The following CCDC192 variants were observed in gnomAD, a reference collection of about 807,000 sequenced individuals.
CCDC192 encodes coiled-coil domain containing 192, also known as coiled-coil domain-containing protein 192.
intron 5 of CCDC192, among the ~76,000 whole-genome samples, chr5:127,822,732 G>A (rs1038856385): frequency 2.6e-5 from 4 of 152,138 alleles, no homozygotes; most frequent in Admixed American, 1.3e-4. Context: ...CATTCCTTTA[G>A]GGGTCCTAGG....
At chr5:127,743,295 C>A (rs1753529057) in intron 2 of CCDC192, among the ~76,000 whole-genome samples, 1 of 152,114 alleles carries the variant, frequency 6.6e-6, no homozygotes, top group Non-Finnish European at 1.5e-5. Flanking sequence ...CAAAGGGCAC[C>A]CGTACTTCCA....
At chr5:127,899,964 C>T (rs1019127423) in intron 6 of CCDC192, among the ~76,000 whole-genome samples, 6 of 152,184 alleles carry the variant, frequency 3.9e-5, no homozygotes, top group African/African-American at 1.4e-4. Context: ...AAGAAAACTG[C>T]CAAGCTGATT....
At chr5:127,711,747 A>C (rs1243612169) in intron 2 of CCDC192, among the ~76,000 whole-genome samples, 1 of 152,188 alleles carries the variant, frequency 6.6e-6, no homozygotes, top group Non-Finnish European at 1.5e-5. Flanking sequence ...AGATGAGAAC[A>C]ATATAAAATT....
chr5:127,718,207 G>C (rs1030284624), intron 2 of CCDC192, among the ~76,000 whole-genome samples: 1 of 152,092 alleles, frequency 6.6e-6, no homozygotes, highest in Non-Finnish European at 1.5e-5. Flanking sequence ...GAAAAAAAAG[G>C]TCCTGTCTTC....
intron 2 of CCDC192, among the ~76,000 whole-genome samples, chr5:127,729,377 C>A (rs970558317): frequency 6.6e-6 from 1 of 152,144 alleles, no homozygotes; most frequent in Non-Finnish European, 1.5e-5. Flanking sequence ...TTCATAGATA[C>A]CTTCAAAGAG....
At chr5:127,853,475 A>C (rs1750898364) in intron 5 of CCDC192, among the ~76,000 whole-genome samples, 1 of 152,124 alleles carries the variant, frequency 6.6e-6, no homozygotes, top group African/African-American at 2.4e-5. Context: ...CATTCAAAGC[A>C]TCAAAAGCAC....
At chr5:127,917,955 T>C in intron 6 of CCDC192, among the ~76,000 whole-genome samples, 1 of 152,044 alleles carries the variant, frequency 6.6e-6, no homozygotes, top group South Asian at 2.1e-4. Flanking sequence ...ACCTGGGCAA[T>C]ATAGTGAGAC....
At chr5:127,905,264 T>G (rs1002878919) in intron 6 of CCDC192, among the ~76,000 whole-genome samples, 3 of 152,198 alleles carry the variant, frequency 2.0e-5, no homozygotes, top group African/African-American at 7.2e-5. Context: ...GAAAACTAAT[T>G]TCTAATTCAG....
intron 5 of CCDC192, among the ~76,000 whole-genome samples, chr5:127,808,120 G>C (rs1299949385): frequency 6.6e-6 from 1 of 152,108 alleles, no homozygotes; most frequent in African/African-American, 2.4e-5. Context: ...TTATTCCATG[G>C]ATGCATTTTT....
chr5:127,927,585 A>G (rs1210192255), intron 6 of CCDC192, among the ~76,000 whole-genome samples: 1 of 152,226 alleles, frequency 6.6e-6, no homozygotes, highest in East Asian at 1.9e-4. Flanking sequence ...TTCCTATTTA[A>G]AATGGTAGCA....
chr5:127,922,308 CA>C (rs1224353930), intron 6 of CCDC192, among the ~76,000 whole-genome samples: 2 of 152,188 alleles, frequency 1.3e-5, no homozygotes, highest in Non-Finnish European at 2.9e-5. Flanking sequence ...AAAATGACTA[CA>C]AAATGAGACT....
In CCDC192 at chr5:127,843,886, A is replaced by G. The variant is rs144155122; in HGVS notation, c.412-31652A>G. Among the ~76,000 whole-genome samples the G allele has an allele frequency of 5.3e-5, 8 of 152,356 alleles. No individual in the cohort carries two copies. The East Asian group carries it at 1.5e-3, about 29-fold the overall frequency. ...AACATTCTATGTGATGTAAGAAGGG[A>G]AAAAAGTAGCTTAAACAAATGTAAA... On this transcript the variant is annotated intron_variant, in intron 5 of 6. Transcript: ENST00000514853.
chr5:127,751,881 A>G (rs1754197556), intron 2 of CCDC192, among the ~76,000 whole-genome samples: 1 of 151,920 alleles, frequency 6.6e-6, no homozygotes, highest in African/African-American at 2.4e-5. Context: ...TCCATTGCTG[A>G]TACCCTTTCT....
intron 5 of CCDC192, among the ~76,000 whole-genome samples, chr5:127,854,501 ACT>A (rs753978879): frequency 4.3e-4 from 66 of 152,178 alleles, no homozygotes; most frequent in Non-Finnish European, 8.4e-4. Flanking sequence ...TATAAGTAAA[ACT>A]CTATCATAGG....
At chr5:127,799,893 A>T (rs1216019644) in intron 5 of CCDC192, among the ~76,000 whole-genome samples, 1 of 152,154 alleles carries the variant, frequency 6.6e-6, no homozygotes, top group Non-Finnish European at 1.5e-5. Context: ...TGTCAAGAAA[A>T]ACTTAAATGA....
chr5:127,786,645 C>T lies in CCDC192; in HGVS notation c.223-10458C>T, dbSNP rs1580656812. On this transcript the variant is annotated intron_variant, in intron 3 of 6. Coordinates refer to ENST00000514853, the MANE Select transcript of CCDC192 (RefSeq NM_001317938.2). ...GTGTCTACTGAGGTAGGCACAAATT[C>T]CATTCAGCACTTTGCTTGAAAATCA... 5.3e-6 allele frequency: 4 copies of T among 760,722 alleles called. No individual in the cohort carries two copies. In the East Asian group the frequency reaches 7.4e-5, roughly 14 times the overall value. 47.1% of individuals were successfully genotyped at this position (760,722 alleles called of 1,614,324 possible). A position where few individuals can be genotyped will look rare whatever the true frequency, so the allele number is the denominator to read the frequency against.
intron 5 of CCDC192, among the ~76,000 whole-genome samples, chr5:127,823,748 C>T (rs552531644): frequency 2.0e-5 from 3 of 152,322 alleles, no homozygotes; most frequent in South Asian, 4.1e-4. Flanking sequence ...TTCTTGTAGG[C>T]CTCAAAGAGG....
chr5:127,749,123 G>T (rs1044506455), intron 2 of CCDC192, among the ~76,000 whole-genome samples: 2 of 151,900 alleles, frequency 1.3e-5, no homozygotes, highest in African/African-American at 4.8e-5. Context: ...CTGCCTAATT[G>T]CCCTGGCCAG....
intron 5 of CCDC192, among the ~76,000 whole-genome samples, chr5:127,838,087 A>G (rs1750111338): frequency 1.3e-5 from 2 of 152,196 alleles, no homozygotes; most frequent in South Asian, 4.1e-4. Context: ...GACGTTATCT[A>G]CCCAATTCTC....
Sources: gnomAD v4.1 joint callset for allele counts (sites outside exome capture counted in the v4.1 genomes callset) on GRCh38, gnomAD v4.1.1 for gene constraint, MANE v1.5 for transcripts, NCBI Gene and HGNC (gene_info 2026-07-23, HGNC 2026-07-21) for gene names.